The following MACROD2 variants were observed in gnomAD, a reference collection of about 807,000 sequenced individuals.
MACROD2 encodes mono-ADP ribosylhydrolase 2, also known as ADP-ribose glycohydrolase MACROD2.
Under a neutral mutation model 70.4 loss-of-function variants are expected in MACROD2, and 36 were observed. The ratio of observed to expected loss-of-function variants is 0.51; its 90% confidence interval spans 0.39 to 0.68. The LOEUF (loss-of-function observed/expected upper bound fraction) is 0.68. MACROD2 is among the 30% of genes least tolerant of loss of function. The pLI, the probability that MACROD2 is intolerant of heterozygous loss-of-function variation, is 0.00. For missense variants in MACROD2, 496 were observed against 538.4 expected (o/e 0.92, Z 0.78); for synonymous variants, 172 against 178.8 (o/e 0.96, Z 0.30).
intron 5 of MACROD2, among the ~76,000 whole-genome samples, chr20:14,788,809 C>T (rs1369884707): frequency 2.8e-5 from 4 of 144,686 alleles, no homozygotes; most frequent in East Asian, 2.0e-4. Flanking sequence ...TGCTCTGTCC[C>T]CCAGGCTGGA....
intron 5 of MACROD2, among the ~76,000 whole-genome samples, chr20:14,860,091 A>G (rs2073297927): frequency 6.6e-6 from 1 of 152,164 alleles, no homozygotes; most frequent in Non-Finnish European, 1.5e-5. Flanking sequence ...TCAAAGTTAT[A>G]TAAGGTTCCT....
chr20:15,849,498 G>A (rs1320508700), intron 8 of MACROD2, among the ~76,000 whole-genome samples: 1 of 152,186 alleles, frequency 6.6e-6, no homozygotes, highest in East Asian at 1.9e-4. Flanking sequence ...TGACCAGGCT[G>A]CGGAGCCACC....
intron 5 of MACROD2, among the ~76,000 whole-genome samples, chr20:14,769,375 T>C (rs2072135530): frequency 6.6e-6 from 1 of 152,144 alleles, no homozygotes; most frequent in Non-Finnish European, 1.5e-5. Context: ...GTACTACACT[T>C]ATTTACTTTT....
chr20:14,391,426 C>A (rs766880992), intron 3 of MACROD2, among the ~76,000 whole-genome samples: 5 of 151,946 alleles, frequency 3.3e-5, no homozygotes, highest in African/African-American at 9.7e-5. Flanking sequence ...ATGATGAGAA[C>A]AAATGGATAC....
At chr20:15,972,521 T>C (rs200588438) in intron 13 of MACROD2, among the ~76,000 whole-genome samples, 1 of 151,918 alleles carries the variant, frequency 6.6e-6, no homozygotes, top group South Asian at 2.1e-4. Flanking sequence ...AAGATAAAGA[T>C]AAATCAGGCC....
chr20:14,300,233 T>C (rs2082462911), intron 3 of MACROD2, among the ~76,000 whole-genome samples: 1 of 152,194 alleles, frequency 6.6e-6, no homozygotes, highest in Non-Finnish European at 1.5e-5. Context: ...CCTCAGAGAT[T>C]TTATTATGTA....
intron 8 of MACROD2, among the ~76,000 whole-genome samples, chr20:15,574,160 C>G (rs1027605508): frequency 6.6e-6 from 1 of 152,124 alleles, no homozygotes; most frequent in South Asian, 2.1e-4. Context: ...TGTGCAGACA[C>G]CAGGTAGTAT....
rs898210757 is a variant in MACROD2 at position 14,193,213 on chromosome 20, G to C, written c.271+107485G>C. ...TAACCATTCATTTCTAGTGAGCTAG[G>C]ATTACATTGATGAACACAGGCTTCA... On this transcript the variant is annotated intron_variant, in intron 3 of 17. Transcript: ENST00000684519. Among the ~76,000 whole-genome samples the C allele has an allele frequency of 5.3e-5, 8 of 152,294 alleles. No individual in the cohort carries two copies. The East Asian group carries it at 1.5e-3, about 29-fold the overall frequency.
chr20:14,546,586 C>G lies in MACROD2; in HGVS notation c.301+53078C>G, dbSNP rs1475670913. On this transcript the variant is annotated intron_variant, in intron 4 of 17. Coordinates refer to ENST00000684519, the MANE Select transcript of MACROD2 (RefSeq NM_001351661.2). Reference sequence around the variant, plus strand: ...TTTTCCACTTTTCTCTCAGACAGATCCTGATTGTCATCCCTGTTTAGCCTC... The same window carrying G: ...TTTTCCACTTTTCTCTCAGACAGATGCTGATTGTCATCCCTGTTTAGCCTC... Among the ~76,000 whole-genome samples the G allele has an allele frequency of 2.0e-5, 3 of 152,138 alleles. 1 individual carries two copies.
chr20:14,707,046 A>G (rs573670431), intron 5 of MACROD2, among the ~76,000 whole-genome samples: 1 of 152,272 alleles, frequency 6.6e-6, no homozygotes, highest in South Asian at 2.1e-4. Context: ...TTAAATGATC[A>G]GGCTGAATGG....
chr20:14,691,444 A>C (rs1272811320), intron 5 of MACROD2, among the ~76,000 whole-genome samples: 1 of 152,204 alleles, frequency 6.6e-6, no homozygotes, highest in Non-Finnish European at 1.5e-5. Context: ...CACCTTGAAA[A>C]GAATGCCTAG....
At chr20:15,852,730 C>T (rs2064313768) in intron 8 of MACROD2, among the ~76,000 whole-genome samples, 1 of 152,148 alleles carries the variant, frequency 6.6e-6, no homozygotes, top group Non-Finnish European at 1.5e-5. Flanking sequence ...GCTGATATGA[C>T]CAGACAAAAA....
intron 5 of MACROD2, among the ~76,000 whole-genome samples, chr20:15,039,381 T>C (rs144341847): frequency 2.6e-4 from 39 of 152,244 alleles, no homozygotes; most frequent in Non-Finnish European, 4.7e-4. Flanking sequence ...AGTAACCTTT[T>C]CTAGGTTTTA....
At chr20:14,256,630 G>C (rs2082058758) in intron 3 of MACROD2, among the ~76,000 whole-genome samples, 1 of 152,104 alleles carries the variant, frequency 6.6e-6, no homozygotes, top group Non-Finnish European at 1.5e-5. Context: ...TTCTTGAGAT[G>C]CTAGCCTATT....
At chr20:15,619,853 A>G in intron 8 of MACROD2, 1 of 158,178 alleles carries the variant, frequency 6.3e-6, no homozygotes. Flanking sequence ...GACTGGGACA[A>G]TAGAGTATAG....
At chr20:15,405,732 G>A (rs1405780466) in intron 6 of MACROD2, among the ~76,000 whole-genome samples, 2 of 152,042 alleles carry the variant, frequency 1.3e-5, no homozygotes, top group East Asian at 3.8e-4. Flanking sequence ...TTCCTACCCC[G>A]ACCTTCATAG....
chr20:14,055,425 T>C (rs2053620643), intron 2 of MACROD2, among the ~76,000 whole-genome samples: 1 of 151,802 alleles, frequency 6.6e-6, no homozygotes. Context: ...AGCCTTTGTT[T>C]GGTGTTCTCT....
chr20:14,366,906 C>A (rs1861683177), intron 3 of MACROD2, among the ~76,000 whole-genome samples: 1 of 152,176 alleles, frequency 6.6e-6, no homozygotes, highest in Admixed American at 6.5e-5. Context: ...TAAATAATTT[C>A]TGATTAGGAA....
chr20:14,007,511 G>C (rs774950450), intron 2 of MACROD2, among the ~76,000 whole-genome samples: 29 of 152,146 alleles, frequency 1.9e-4, no homozygotes, highest in Non-Finnish European at 4.1e-4. Flanking sequence ...TGTATTTATA[G>C]CTCCCATATA....
Sources: allele counts gnomAD v4.1 joint callset (sites outside exome capture counted in the v4.1 genomes callset), GRCh38; gene constraint gnomAD v4.1.1; transcripts MANE v1.5; gene names NCBI Gene and HGNC (gene_info 2026-07-23, HGNC 2026-07-21).